Variants in ZFPM2 observed in about 807,000 individuals in gnomAD.
ZFPM2 encodes the protein zinc finger protein ZFPM2.
In ZFPM2, 20 loss-of-function variants were observed where a neutral mutation model predicts 98.6. The ratio of observed to expected loss-of-function variants is 0.20; its 90% CI spans 0.14 to 0.29. The LOEUF (loss-of-function observed/expected upper bound fraction) is 0.29, where lower values mean the gene tolerates loss of function less well. Ranked by LOEUF, ZFPM2 falls within the 10% of genes least tolerant of loss-of-function variation. The probability of loss-of-function intolerance (pLI) is 1.00; values close to 1 mark genes in which losing one functional copy is unlikely to be tolerated. For missense variants in ZFPM2, 1,310 were observed against 1,388.6 expected (o/e 0.94, Z 0.90); for synonymous variants, 518 against 502.7 (o/e 1.03, Z -0.41).
At chr8:105,418,898 G>T in intron 1 of ZFPM2, 1 of 571,062 alleles carries the variant, frequency 1.8e-6, no homozygotes. Flanking sequence ...GGGTGGGGAC[G>T]CAATGGAGAT....
At chr8:105,767,261 C>T (rs997341644) in intron 5 of ZFPM2, among the ~76,000 whole-genome samples, 1 of 151,836 alleles carries the variant, frequency 6.6e-6, no homozygotes, top group Non-Finnish European at 1.5e-5. Flanking sequence ...AGAACTGTAG[C>T]CAGCAATGCA....
rs879289014 is a variant in ZFPM2 at position 105,764,269 on chromosome 8, TTCTC to T, written c.533-24435_533-24432del. ...TCAAGGTTTAAAACTCTCTCTCTCT[TTCTC>T]TCTCTCTCTCTCTGACACACACACA... On this transcript the variant is annotated intron_variant, in intron 5 of 7. Transcript: ENST00000407775. Among the ~76,000 whole-genome samples, 45 of 109,224 alleles carry T rather than the reference TTCTC, an allele frequency of 4.1e-4. No individual in the cohort carries two copies. In the East Asian group the frequency reaches 4.2e-3, roughly 10 times the overall value. 71.7% of individuals were successfully genotyped at this position (109,224 alleles called of 152,430 possible).
At chr8:105,670,495 CAAA>C (rs1160128174) in intron 5 of ZFPM2, among the ~76,000 whole-genome samples, 1 of 49,276 alleles carries the variant, frequency 2.0e-5, no homozygotes. Context: ...GAGTCCATCT[CAAA>C]AAAAAAAAAA....
At chr8:105,653,854 CTTTTTTTTTTTTTTTTTT>C (rs60218363) in intron 5 of ZFPM2, among the ~76,000 whole-genome samples, 2 of 35,260 alleles carry the variant, frequency 5.7e-5, no homozygotes, top group African/African-American at 1.1e-4. Context: ...TGTGTGCTAT[CTTTTTTTTTTTTTTTTTT>C]TTTTTTTTTT....
intron 7 of ZFPM2, among the ~76,000 whole-genome samples, chr8:105,799,605 G>C (rs1317624759): frequency 6.6e-6 from 1 of 152,002 alleles, no homozygotes; most frequent in African/African-American, 2.4e-5. Flanking sequence ...TATTTAATTT[G>C]GAATTGTATG....
intron 5 of ZFPM2, chr8:105,662,526 T>C (rs1253966563): frequency 3.3e-5 from 5 of 151,904 alleles, no homozygotes; most frequent in Non-Finnish European, 4.4e-5. Context: ...CCTTTTTTTT[T>C]CTCCTTCTTT....
rs1368029978 is a variant in ZFPM2, at chr8:105,334,346, T to C, written c.40+15365T>C. Among the ~76,000 whole-genome samples, 3 of 151,592 alleles carry C rather than the reference T, an allele frequency of 2.0e-5. No individual in the cohort carries two copies. In the Admixed American group the frequency reaches 2.0e-4, roughly 10 times the overall value. ...TAATATCTCTCTAATTCAGACAATA[T>C]GGGAGAGAATAGCTATAATGATAAA... On this transcript the variant is annotated intron_variant, in intron 1 of 7. Coordinates refer to ENST00000407775, the MANE Select transcript of ZFPM2 (RefSeq NM_012082.4).
At chr8:105,446,504 A>G (rs1408019659) in intron 3 of ZFPM2, among the ~76,000 whole-genome samples, 1 of 152,190 alleles carries the variant, frequency 6.6e-6, no homozygotes, top group East Asian at 1.9e-4. Flanking sequence ...TTTTCGAGAA[A>G]TAAAGTTGTA....
intron 4 of ZFPM2, among the ~76,000 whole-genome samples, chr8:105,593,918 C>G (rs1401278122): frequency 6.6e-6 from 1 of 152,124 alleles, no homozygotes; most frequent in East Asian, 1.9e-4. Context: ...ATTACTTTAG[C>G]TGCTCTCTGG....
At chr8:105,493,999 G>A (rs1435540259) in intron 3 of ZFPM2, among the ~76,000 whole-genome samples, 1 of 151,220 alleles carries the variant, frequency 6.6e-6, no homozygotes, top group Non-Finnish European at 1.5e-5. Context: ...TGTTGGGGTT[G>A]GCCTTCTCTT....
chr8:105,517,317 G>A (rs1403071729), intron 3 of ZFPM2, among the ~76,000 whole-genome samples: 1 of 152,022 alleles, frequency 6.6e-6, no homozygotes, highest in Non-Finnish European at 1.5e-5. Flanking sequence ...CAGGATACAC[G>A]CTGTTACTCT....
At chr8:105,593,822 T>TA (rs113966824) in intron 4 of ZFPM2, among the ~76,000 whole-genome samples, 5 of 151,452 alleles carry the variant, frequency 3.3e-5, no homozygotes, top group Non-Finnish European at 5.9e-5. Flanking sequence ...ATTTTTCAAG[T>TA]AAAAAAAAAT....
chr8:105,639,040 T>G (rs866857440), intron 5 of ZFPM2, among the ~76,000 whole-genome samples: 10 of 152,004 alleles, frequency 6.6e-5, no homozygotes, highest in African/African-American at 2.2e-4. Flanking sequence ...TCCAGATAAT[T>G]CTAATTTACT....
intron 1 of ZFPM2, among the ~76,000 whole-genome samples, chr8:105,355,517 A>G (rs1812724666): frequency 6.6e-6 from 1 of 152,232 alleles, no homozygotes; most frequent in Non-Finnish European, 1.5e-5. Flanking sequence ...TTTTACAGTA[A>G]TAATTCCATT....
intron 4 of ZFPM2, among the ~76,000 whole-genome samples, chr8:105,604,221 C>T (rs1255089526): frequency 6.6e-6 from 1 of 151,954 alleles, no homozygotes; most frequent in Non-Finnish European, 1.5e-5. Flanking sequence ...TGGGAGTTAG[C>T]CTTAATTCCT....
In ZFPM2 at chr8:105,803,320, T is replaced by C; in HGVS notation, c.3238T>C (p.Ser1080Pro). 1 of 1,602,342 alleles carries C rather than the reference T, an allele frequency of 6.2e-7. No individual in the cohort carries two copies. The highest frequency in any genetic ancestry group is 8.5e-7 in the Non-Finnish European group (1 of 1,173,554). ...EDDHKSPSWI[S>P]ENPLAANENV... ...CGACCACAAATCTCCCTCGTGGATC[T>C]CTGAGAACCCATTAGCTGCCAATGA... is the stretch of plus-strand genomic sequence containing the variant. Residue 1080 changes from serine (S) to proline (P), a missense_variant, in exon 8 of 8, where the codon TCT (serine) becomes CCT (proline). By Grantham distance (74) the Ser-to-Pro change is moderately conservative. Coordinates refer to ENST00000407775, the MANE Select transcript of ZFPM2 (RefSeq NM_012082.4).
Position 105,610,440 on chromosome 8 carries a change from C to T in ZFPM2, c.421-23806C>T, listed in dbSNP as rs543195950. 7.2e-5 allele frequency among the ~76,000 whole-genome samples: 11 copies of T among 152,126 alleles called. 1 individual carries two copies. In the East Asian group the frequency reaches 2.1e-3, roughly 29 times the overall value. On this transcript the variant is annotated intron_variant, in intron 4 of 7. Coordinates refer to ENST00000407775, the MANE Select transcript of ZFPM2 (RefSeq NM_012082.4). ...TTGAAAAGTTAAAATAGAAGAAGGTCAACATCTTTACCTTTAACTTTTACT... is the reference window on the plus strand; with the variant it reads ...TTGAAAAGTTAAAATAGAAGAAGGTTAACATCTTTACCTTTAACTTTTACT...
chr8:105,395,231 C>G (rs1463017122), intron 1 of ZFPM2, among the ~76,000 whole-genome samples: 2 of 152,190 alleles, frequency 1.3e-5, no homozygotes, highest in East Asian at 1.9e-4. Flanking sequence ...TGCACTTTCT[C>G]TCAGTATTTC....
intron 5 of ZFPM2, among the ~76,000 whole-genome samples, chr8:105,781,862 C>T (rs1016559789): frequency 3.3e-5 from 5 of 152,156 alleles, no homozygotes; most frequent in African/African-American, 1.2e-4. Flanking sequence ...ATTGAACCAC[C>T]GTATTCTTCC....
Sources: gnomAD v4.1 joint callset for allele counts (sites outside exome capture counted in the v4.1 genomes callset) on GRCh38, gnomAD v4.1.1 for gene constraint, MANE v1.5 for transcripts, NCBI Gene and HGNC (gene_info 2026-07-23, HGNC 2026-07-21) for gene names.